NFU1: variants seen among roughly 807,000 people sequenced by gnomAD.
NFU1 encodes NFU1 iron-sulfur cluster scaffold homolog, mitochondrial.
Under a neutral mutation model 32.2 loss-of-function variants are expected in NFU1, and 30 were observed. The observed-to-expected ratio is 0.93, with a 90% CI of 0.70 to 1.26. NFU1 has a LOEUF of 1.26. Ranked by LOEUF, NFU1 falls within the 50% of genes most tolerant of loss-of-function variation. NFU1 has a pLI of 0.00. For synonymous variants in NFU1, 112 were observed against 104.6 expected, an observed-to-expected ratio of 1.07 and a Z score of -0.43; for missense variants, 306 against 306.6, an observed-to-expected ratio of 1.00 and a Z score of 0.02.
chr2:69,427,339 C>A (rs1673494093), intron 2 of NFU1, among the ~76,000 whole-genome samples: 1 of 148,826 alleles, frequency 6.7e-6, no homozygotes, highest in African/African-American at 2.5e-5. Flanking sequence ...TAACTGGGAT[C>A]GCACCATTGC....
In NFU1 at chr2:69,400,533, G is replaced by T; in HGVS notation, c.551C>A (p.Thr184Asn). The change falls in exon 7 of 8, where the codon ACT (threonine) becomes AAT (asparagine). Residue 184 changes from threonine (T) to asparagine (N), a missense_variant. Transcript: ENST00000410022. Reference protein sequence around the residue: ...KELLDTRIRPTVQEDGGDVIY... With the variant: ...KELLDTRIRPNVQEDGGDVIY... ...TACATCCCCTCCATCTTCCTGCACA[G>T]TTGGCCTGTGAGGTCAAAGAATATT... The T allele has an allele frequency of 6.2e-7, 1 of 1,613,868 alleles. No individual in the cohort carries two copies.
upstream of NFU1, among the ~76,000 whole-genome samples, chr2:69,439,268 G>A (rs1673980046): frequency 6.6e-6 from 1 of 152,124 alleles, no homozygotes; most frequent in African/African-American, 2.4e-5. Context: ...CGGAATTGGT[G>A]GGTTCTTGGT....
chr2:69,405,357 A>G (rs1672663619), intron 6 of NFU1, among the ~76,000 whole-genome samples: 1 of 152,126 alleles, frequency 6.6e-6, no homozygotes, highest in Non-Finnish European at 1.5e-5. Flanking sequence ...TTCCCATCTA[A>G]ACAAATTTTC....
chr2:69,422,022 A>T (rs1673263466), intron 3 of NFU1, among the ~76,000 whole-genome samples: 1 of 152,154 alleles, frequency 6.6e-6, no homozygotes, highest in African/African-American at 2.4e-5. Context: ...TTAATTTATA[A>T]ATTAGGCACA....
upstream of NFU1, among the ~76,000 whole-genome samples, chr2:69,439,119 G>C (rs1673965094): frequency 1.3e-5 from 2 of 151,962 alleles, no homozygotes; most frequent in African/African-American, 4.8e-5. Context: ...GAACCAAGTG[G>C]CTTAAAAAAA....
intron 2 of NFU1, among the ~76,000 whole-genome samples, chr2:69,425,185 T>C (rs78487589): frequency 6.6e-6 from 1 of 151,568 alleles, no homozygotes; most frequent in Non-Finnish European, 1.5e-5. Context: ...GCCAAAGGCT[T>C]TTTTTAAAAA....
At chr2:69,438,669 G>A (rs528272213), upstream of NFU1, among the ~76,000 whole-genome samples, 34 of 152,270 alleles carry the variant, frequency 2.2e-4, no homozygotes, top group African/African-American at 7.9e-4. Flanking sequence ...CACACCTGTT[G>A]TTGAACAGGT....
In NFU1 at chr2:69,431,963, C is replaced by T; in HGVS notation, c.105G>A (p.Gln35=). 6.2e-7 allele frequency: 1 copy of T among 1,613,760 alleles called. No individual in the cohort carries two copies. The highest frequency in any genetic ancestry group is 1.1e-5 in the South Asian group (1 of 91,068). Reference sequence around the variant, plus strand: ...GTCTTTGTACAAACTGATGCAGAGGCTGTTTCTTAATGGTGTATGGATTCT... The same window carrying T: ...GTCTTTGTACAAACTGATGCAGAGGTTGTTTCTTAATGGTGTATGGATTCT... ...MLKNPYTIKK[Q]PLHQFVQRPL... Residue 35 remains glutamine (Q), a synonymous_variant, in exon 2 of 8, where the codon CAG becomes CAA. Transcript: ENST00000410022.
intron 2 of NFU1, among the ~76,000 whole-genome samples, 186 bp downstream of exon 2, chr2:69,431,716 A>C (rs909093541): frequency 2.0e-5 from 3 of 152,238 alleles, no homozygotes; most frequent in African/African-American, 7.2e-5. Context: ...TCTATTGGAC[A>C]ATATCCTTGC....
intron 1 of NFU1, 63 bp from the exon 2 acceptor site, chr2:69,432,068 T>C: frequency 9.2e-7 from 1 of 1,090,150 alleles, no homozygotes; most frequent in South Asian, 1.3e-5. Flanking sequence ...AGTTGGTTTC[T>C]ACTTCTCATG....
upstream of NFU1, among the ~76,000 whole-genome samples, chr2:69,439,065 C>T (rs1379574753): frequency 6.6e-6 from 1 of 152,052 alleles, no homozygotes; most frequent in African/African-American, 2.4e-5. Context: ...AAGAAAAATC[C>T]TGCCTTGCCC....
intron 1 of NFU1, among the ~76,000 whole-genome samples, chr2:69,432,871 CA>C (rs553262141): frequency 2.6e-5 from 4 of 151,432 alleles, no homozygotes; most frequent in African/African-American, 9.7e-5. Flanking sequence ...ACTATTGGGC[CA>C]GGGGTGGTGG....
At chr2:69,409,131 C>G (rs907934375) in intron 5 of NFU1, among the ~76,000 whole-genome samples, 1 of 151,850 alleles carries the variant, frequency 6.6e-6, no homozygotes, top group African/African-American at 2.4e-5. Flanking sequence ...CGTTAGCCAC[C>G]GCACCCAACC....
chr2:69,410,465 A>G (rs921515871), intron 5 of NFU1, among the ~76,000 whole-genome samples: 4 of 152,214 alleles, frequency 2.6e-5, no homozygotes, highest in Non-Finnish European at 5.9e-5. Context: ...AGATTGCCCA[A>G]AGTTCTTATC....
At chr2:69,408,251 G>A (rs1033405603) in intron 5 of NFU1, among the ~76,000 whole-genome samples, 2 of 151,994 alleles carry the variant, frequency 1.3e-5, no homozygotes, top group African/African-American at 4.8e-5. Context: ...TCTTTTCTGT[G>A]TAATATATCT....
intron 5 of NFU1, among the ~76,000 whole-genome samples, chr2:69,414,827 T>C (rs962456198): frequency 6.6e-6 from 1 of 152,036 alleles, no homozygotes; most frequent in Admixed American, 6.6e-5. Context: ...ACACTGTATG[T>C]TTAATATTTT....
At chr2:69,423,908 C>T (rs1428768307) in intron 2 of NFU1, among the ~76,000 whole-genome samples, 191 bp from the exon 3 acceptor site, 1 of 151,920 alleles carries the variant, frequency 6.6e-6, no homozygotes, top group Non-Finnish European at 1.5e-5. Flanking sequence ...GGCGCAGTGG[C>T]TCACACCTGT....
At chr2:69,436,721 C>G (rs927739120) in intron 1 of NFU1, among the ~76,000 whole-genome samples, 1 of 152,174 alleles carries the variant, frequency 6.6e-6, no homozygotes, top group Non-Finnish European at 1.5e-5. Flanking sequence ...TTAAGGTACA[C>G]CTACATAAAT....
At chr2:69,426,762 G>A (rs1283140937) in intron 2 of NFU1, among the ~76,000 whole-genome samples, 1 of 151,936 alleles carries the variant, frequency 6.6e-6, no homozygotes, top group East Asian at 1.9e-4. Flanking sequence ...AAACAGATCT[G>A]ATTATTCATT....
Sources: gnomAD v4.1 joint callset for allele counts (sites outside exome capture counted in the v4.1 genomes callset) on GRCh38, gnomAD v4.1.1 for gene constraint, MANE v1.5 for transcripts, NCBI Gene and HGNC (gene_info 2026-07-23, HGNC 2026-07-21) for gene names.